Variants in CNTNAP2 observed in about 807,000 individuals in gnomAD.
CNTNAP2 encodes contactin associated protein 2, also known as contactin-associated protein-like 2.
Under a neutral mutation model 155.2 loss-of-function variants are expected in CNTNAP2, and 98 were observed. That is an observed-to-expected ratio of 0.63 (90% confidence interval 0.54 to 0.75). CNTNAP2 has a LOEUF of 0.75. CNTNAP2 is among the 30% of genes least tolerant of loss of function. The pLI, the probability that CNTNAP2 is intolerant of heterozygous loss-of-function variation, is 0.00. For synonymous variants in CNTNAP2, 651 were observed against 631.2 expected (o/e 1.03, Z -0.47); for missense variants, 1,727 against 1,688.1 (o/e 1.02, Z -0.40).
intron 3 of CNTNAP2, among the ~76,000 whole-genome samples, chr7:147,040,565 A>T (rs951817480): frequency 7.1e-6 from 1 of 141,490 alleles, no homozygotes; most frequent in Non-Finnish European, 1.5e-5. Context: ...GGTTCAAGTG[A>T]TTCTCCTGCC....
intron 1 of CNTNAP2, among the ~76,000 whole-genome samples, chr7:146,599,860 T>C (rs569702073): frequency 3.3e-5 from 5 of 152,128 alleles, no homozygotes; most frequent in African/African-American, 1.2e-4. Flanking sequence ...TTGAATGAAA[T>C]ACTTAAGAAA....
chr7:148,118,568 T>G (rs1804527148), intron 16 of CNTNAP2, among the ~76,000 whole-genome samples: 1 of 152,144 alleles, frequency 6.6e-6, no homozygotes, highest in African/African-American at 2.4e-5. Flanking sequence ...GGAATGTTTA[T>G]CTTCAGCTTC....
At chr7:147,703,406 A>G (rs851722) in intron 13 of CNTNAP2, among the ~76,000 whole-genome samples, 41 of 152,246 alleles carry the variant, frequency 2.7e-4, no homozygotes, top group African/African-American at 9.9e-4. Flanking sequence ...ATAGCCAACT[A>G]TAGGGCCCTG....
At chr7:146,499,395 A>T (rs1396445262) in intron 1 of CNTNAP2, among the ~76,000 whole-genome samples, 1 of 152,068 alleles carries the variant, frequency 6.6e-6, no homozygotes, top group African/African-American at 2.4e-5. Flanking sequence ...TATAAACCAA[A>T]TCTATAATTC....
intron 15 of CNTNAP2, among the ~76,000 whole-genome samples, chr7:148,018,009 A>C (rs751839493): frequency 2.3e-4 from 35 of 152,194 alleles, no homozygotes; most frequent in Non-Finnish European, 4.1e-4. Flanking sequence ...TTCTGTTAAA[A>C]CTCGCCACAA....
intron 13 of CNTNAP2, among the ~76,000 whole-genome samples, chr7:147,841,264 T>C (rs1483163298): frequency 6.6e-6 from 1 of 152,212 alleles, no homozygotes; most frequent in Non-Finnish European, 1.5e-5. Flanking sequence ...GTGGATATTT[T>C]TTACAATCTG....
intron 13 of CNTNAP2, among the ~76,000 whole-genome samples, chr7:147,725,617 G>A (rs560851667): frequency 6.6e-6 from 1 of 152,186 alleles, no homozygotes; most frequent in South Asian, 2.1e-4. Flanking sequence ...AACAAGGGAG[G>A]AAGAAGGCTG....
chr7:146,965,479 G>A (rs1289526764), intron 3 of CNTNAP2, among the ~76,000 whole-genome samples: 1 of 151,982 alleles, frequency 6.6e-6, no homozygotes, highest in Non-Finnish European at 1.5e-5. Context: ...CAGGCAAGGT[G>A]TATTAAATTG....
chr7:146,776,722 A>G (rs1254390936), intron 2 of CNTNAP2, among the ~76,000 whole-genome samples: 2 of 152,148 alleles, frequency 1.3e-5, no homozygotes, highest in Admixed American at 6.6e-5. Flanking sequence ...GAAAAAATAT[A>G]TAGGTTTTTT....
At chr7:146,821,952 C>T (rs1478911109) in intron 2 of CNTNAP2, among the ~76,000 whole-genome samples, 1 of 151,564 alleles carries the variant, frequency 6.6e-6, no homozygotes, top group Non-Finnish European at 1.5e-5. Context: ...TACCATTTGA[C>T]CCAGCCATCC....
At chr7:147,545,578 G>A (rs1423769842) in intron 11 of CNTNAP2, among the ~76,000 whole-genome samples, 1 of 152,120 alleles carries the variant, frequency 6.6e-6, no homozygotes, top group African/African-American at 2.4e-5. Flanking sequence ...TCTTCCATAG[G>A]GTAATTCATG....
chr7:148,176,195 T>A (rs1263484687), intron 18 of CNTNAP2, among the ~76,000 whole-genome samples: 1 of 148,488 alleles, frequency 6.7e-6, no homozygotes, highest in Admixed American at 6.9e-5. Context: ...AACCCTTTTT[T>A]CTTTTCTTTC....
At chr7:146,200,313 G>T (rs2116865757) in intron 1 of CNTNAP2, among the ~76,000 whole-genome samples, 1 of 152,132 alleles carries the variant, frequency 6.6e-6, no homozygotes. Context: ...GGCCCACATG[G>T]TGAAACCCCA....
chr7:148,173,266 G>A (rs557018251), intron 18 of CNTNAP2, among the ~76,000 whole-genome samples: 1 of 152,276 alleles, frequency 6.6e-6, no homozygotes, highest in African/African-American at 2.4e-5. Flanking sequence ...ATATAAATGA[G>A]GGATGAAGAG....
At chr7:147,814,097 A>G (rs1020381203) in intron 13 of CNTNAP2, among the ~76,000 whole-genome samples, 3 of 152,194 alleles carry the variant, frequency 2.0e-5, no homozygotes, top group African/African-American at 7.2e-5. Flanking sequence ...TAAGTTAATT[A>G]CTTTTTCTAA....
intron 16 of CNTNAP2, among the ~76,000 whole-genome samples, chr7:148,121,036 ATT>A (rs992410903): frequency 6.6e-6 from 1 of 151,034 alleles, no homozygotes; most frequent in African/African-American, 2.4e-5. Context: ...TTTTTCTTTA[ATT>A]TTTTTTTATT....
chr7:147,400,098 A>G (rs1183115825), intron 10 of CNTNAP2, among the ~76,000 whole-genome samples: 2 of 152,106 alleles, frequency 1.3e-5, no homozygotes, highest in East Asian at 1.9e-4. Context: ...CTTATTCTCA[A>G]TCTTTTTCTC....
chr7:147,985,143 TAA>T (rs1563157937), intron 15 of CNTNAP2, among the ~76,000 whole-genome samples: 2 of 150,164 alleles, frequency 1.3e-5, no homozygotes, highest in Non-Finnish European at 3.0e-5. Flanking sequence ...AATAAATAAA[TAA>T]ATAACTATTT....
At chr7:146,573,211 C>T (rs556243127) in intron 1 of CNTNAP2, among the ~76,000 whole-genome samples, 4 of 152,068 alleles carry the variant, frequency 2.6e-5, no homozygotes, top group Admixed American at 6.5e-5. Flanking sequence ...GGCACAATCT[C>T]GGCTCACTGC....
Sources: gnomAD v4.1 joint callset for allele counts (sites outside exome capture counted in the v4.1 genomes callset) on GRCh38, gnomAD v4.1.1 for gene constraint, MANE v1.5 for transcripts, NCBI Gene and HGNC (gene_info 2026-07-23, HGNC 2026-07-21) for gene names.